PFKP: variants seen among roughly 807,000 people sequenced by gnomAD.
PFKP encodes phosphofructokinase, platelet.
In PFKP, 101 loss-of-function variants were observed where a neutral mutation model predicts 94.3. The observed-to-expected ratio is 1.07, with a 90% confidence interval of 0.91 to 1.26. The LOEUF (loss-of-function observed/expected upper bound fraction) is 1.26, where lower values mean the gene tolerates loss of function less well. PFKP is among the 50% of genes most tolerant of loss of function. The pLI is 0.00. For missense variants in PFKP, 1,145 were observed against 1,103.3 expected (o/e 1.04, Z -0.53); for synonymous variants, 573 against 432.6 (o/e 1.32, Z -4.03).
chr10:3,111,442 C>T (rs1021609088), intron 10 of PFKP, among the ~76,000 whole-genome samples: 2 of 152,062 alleles, frequency 1.3e-5, no homozygotes, highest in Non-Finnish European at 2.9e-5. Flanking sequence ...TATTTTGAGC[C>T]TGTGTCTCAT....
intron 1 of PFKP, 40 bp downstream of exon 1, chr10:3,067,747 G>C (rs905276035): frequency 4.3e-6 from 5 of 1,160,288 alleles, no homozygotes; most frequent in Admixed American, 4.8e-5. Flanking sequence ...GGGACGGACG[G>C]ACGGAGCTGG....
intron 14 of PFKP, 85 bp from the exon 15 acceptor site, chr10:3,118,697 C>T (rs1837081145): frequency 5.7e-6 from 5 of 880,410 alleles, no homozygotes; most frequent in South Asian, 1.5e-5. Flanking sequence ...CTGGGGAAGG[C>T]GGCCGGGTGG....
At chr10:3,088,006 T>A (rs1364109174) in intron 2 of PFKP, among the ~76,000 whole-genome samples, 9 of 149,230 alleles carry the variant, frequency 6.0e-5, no homozygotes, top group African/African-American at 2.2e-4. Context: ...TTTTTTTTTT[T>A]ACATTATACT....
intron 1 of PFKP, chr10:3,068,684 C>T (rs1245959770): frequency 2.0e-6 from 2 of 984,930 alleles, no homozygotes; most frequent in Non-Finnish European, 2.4e-6. Flanking sequence ...GCCCCGGGTG[C>T]ACGTGGGGGC....
At chr10:3,087,543 G>A (rs1169651989) in intron 2 of PFKP, among the ~76,000 whole-genome samples, 4 of 152,184 alleles carry the variant, frequency 2.6e-5, no homozygotes, top group Non-Finnish European at 5.9e-5. Flanking sequence ...GTGTGCAAAT[G>A]GTGTTTTGGG....
intron 2 of PFKP, among the ~76,000 whole-genome samples, chr10:3,088,779 G>GTGAT (rs34970131): frequency 0.044 from 6,692 of 151,904 alleles, 274 homozygotes; most frequent in Admixed American, 0.12. Flanking sequence ...ATAGAGTTCA[G>GTGAT]AAATATAGTC....
At chr10:3,136,300 T>G in intron 21 of PFKP, 150 bp from the exon 22 acceptor site, 1 of 696,306 alleles carries the variant, frequency 1.4e-6, no homozygotes, top group Non-Finnish European at 2.4e-6. Context: ...ATGGTTTCAT[T>G]TGATCCTGAA....
intron 2 of PFKP, among the ~76,000 whole-genome samples, chr10:3,088,426 T>C (rs896623745): frequency 2.8e-4 from 43 of 152,140 alleles, no homozygotes; most frequent in Admixed American, 1.5e-3. Flanking sequence ...TTCCAAGTCT[T>C]TAATTCTAAG....
intron 2 of PFKP, among the ~76,000 whole-genome samples, chr10:3,084,622 A>G (rs918924845): frequency 6.6e-6 from 1 of 151,816 alleles, no homozygotes; most frequent in Non-Finnish European, 1.5e-5. Context: ...CCCTGCCTGG[A>G]CCCTGGCCCT....
chr10:3,091,778 T>C (rs77681708), intron 2 of PFKP, among the ~76,000 whole-genome samples: 3,080 of 152,130 alleles, frequency 0.02, 104 homozygotes, highest in African/African-American at 0.071. Flanking sequence ...AGAGCGAGAC[T>C]GTGTCAAAAA....
chr10:3,122,315 C>G (rs1253925957), intron 16 of PFKP, among the ~76,000 whole-genome samples: 2 of 152,154 alleles, frequency 1.3e-5, no homozygotes, highest in African/African-American at 4.8e-5. Flanking sequence ...GTGGCGCCGT[C>G]TGACCGAGGT....
At chr10:3,127,245 C>T (rs966643163) in intron 16 of PFKP, among the ~76,000 whole-genome samples, 3 of 152,270 alleles carry the variant, frequency 2.0e-5, no homozygotes. Flanking sequence ...GCTGCGTTTA[C>T]ACTGAGACGA....
chr10:3,100,056 G>GGT (rs55739223), intron 3 of PFKP, among the ~76,000 whole-genome samples: 6,578 of 137,692 alleles, frequency 0.048, 182 homozygotes, highest in Middle Eastern at 0.13. Context: ...GTAGGTGTGT[G>GGT]GTGTGTGTGT....
intron 2 of PFKP, among the ~76,000 whole-genome samples, chr10:3,093,070 G>T (rs556055376): frequency 6.6e-6 from 1 of 151,512 alleles, no homozygotes; most frequent in African/African-American, 2.4e-5. Flanking sequence ...TGTGGATGGG[G>T]GTGACCACGG....
intron 2 of PFKP, among the ~76,000 whole-genome samples, chr10:3,097,232 AG>A (rs1374977302): frequency 6.6e-6 from 1 of 151,780 alleles, no homozygotes; most frequent in Admixed American, 6.6e-5. Context: ...GGCCTCCAAG[AG>A]TCATTCATGG....
chr10:3,104,401 C>T (rs749296919), intron 5 of PFKP, among the ~76,000 whole-genome samples: 9 of 152,262 alleles, frequency 5.9e-5, no homozygotes, highest in Non-Finnish European at 8.8e-5. Flanking sequence ...GACTGTGGGG[C>T]GCACCGTACA....
At chr10:3,106,606 C>CT (rs1413486561) in intron 7 of PFKP, among the ~76,000 whole-genome samples, 3 of 63,208 alleles carry the variant, frequency 4.7e-5, no homozygotes, top group South Asian at 1.2e-3. Context: ...TGCCCCTCTC[C>CT]TCACCCCTGC....
chr10:3,091,577 G>T (rs1447190182), intron 2 of PFKP, among the ~76,000 whole-genome samples: 2 of 152,162 alleles, frequency 1.3e-5, no homozygotes, highest in African/African-American at 4.8e-5. Context: ...TACTTTGGGA[G>T]GCTGAGGCGG....
intron 16 of PFKP, chr10:3,129,029 T>C (rs1316662983): frequency 6.6e-6 from 1 of 152,228 alleles, no homozygotes; most frequent in Non-Finnish European, 1.5e-5. Context: ...ATTTATGTTT[T>C]TTATAGATGG....
Sources: gnomAD v4.1 joint callset for allele counts (sites outside exome capture counted in the v4.1 genomes callset) on GRCh38, gnomAD v4.1.1 for gene constraint, MANE v1.5 for transcripts, NCBI Gene and HGNC (gene_info 2026-07-23, HGNC 2026-07-21) for gene names.